Variants in LSS observed in about 807,000 individuals in gnomAD.
The protein encoded by LSS is lanosterol synthase.
A neutral mutation model predicts 110.3 loss-of-function variants in LSS; 90 were observed. The observed-to-expected ratio is 0.82, with a 90% CI of 0.69 to 0.97. The LOEUF (loss-of-function observed/expected upper bound fraction) is 0.97, where lower values mean the gene tolerates loss of function less well. Ranked by LOEUF, LSS falls within the 50% of genes least tolerant of loss-of-function variation. The pLI is 0.00. For missense variants in LSS, 927 were observed against 990.0 expected (o/e 0.94, Z 0.85); for synonymous variants, 433 against 400.0 (o/e 1.08, Z -0.98).
Position 46,216,508 on chromosome 21 carries a change from C to A in LSS, c.664G>T (p.Ala222Ser). The A allele has an allele frequency of 1.2e-6, 2 of 1,606,036 alleles. No individual in the cohort carries two copies. The highest frequency in any genetic ancestry group is 1.7e-6 in the Non-Finnish European group (2 of 1,174,496). Residue 222 changes from alanine (A) to serine (S), a missense_variant, in exon 7 of 22, where the codon GCA becomes TCA. Transcript: ENST00000397728. This position sits in a 1 kb window ranked among gnomAD's most constrained non-coding sequence, Gnocchi z 4.2. ...CAGAGTGTGGAGGGGTGTGCCGGTG[C>A]CCAGTCAGGAAACAGCCTGGGGCAA... ...FPEMWLFPDW[A>S]PAHPSTLWCH...
In LSS at chr21:46,216,275, T is replaced by G; in HGVS notation, c.783+114A>C. The G allele has an allele frequency of 2.9e-6, 4 of 1,361,092 alleles. No homozygotes were observed. The highest frequency in any genetic ancestry group is 4.1e-6 in the Non-Finnish European group (4 of 967,824). The allele number at this position is 1,361,092 out of a possible 1,614,324, so 84.3% of individuals were successfully genotyped here. On this transcript the variant is annotated intron_variant, in intron 7 of 21. Transcript: ENST00000397728. The surrounding 1 kb of genome is among the most constrained non-coding windows in gnomAD (Gnocchi z 4.2). The stretch of plus-strand genomic sequence containing the variant: ...GTGGAGGCTCTGCTCCACAGGGCTC[T>G]CCGCTCCACAGGGCCACCAGGTGAG...
rs542471287 is a variant in LSS at position 46,189,705 on chromosome 21, G to T, written c.*1399C>A. On this transcript the variant is annotated 3_prime_UTR_variant, in exon 22 of 22. Transcript: ENST00000397728. The stretch of plus-strand genomic sequence containing the variant: ...TGCCTGAGGGAGAGTGATCAGCCAG[G>T]GGGAGAGGCCAGGGACTGCTACCTG... The T allele has an allele frequency of 3.1e-5, 14 of 456,804 alleles. No individual in the cohort carries two copies. The highest frequency in any genetic ancestry group is 3.1e-4 in the Admixed American group (13 of 42,604). 28.3% of individuals were successfully genotyped at this position (456,804 alleles called of 1,614,324 possible). A position where few individuals can be genotyped will look rare whatever the true frequency, so the allele number is the denominator to read the frequency against.
chr21:46,198,025 G>A (rs974327028), intron 17 of LSS, among the ~76,000 whole-genome samples: 13 of 152,018 alleles, frequency 8.6e-5, no homozygotes, highest in Non-Finnish European at 1.9e-4. Context: ...ATTAACAAAG[G>A]ACACAAATAT....
At chr21:46,221,362 C>CTTT (rs10681676) in intron 5 of LSS, among the ~76,000 whole-genome samples, 152,168 of 152,180 alleles carry the variant, frequency 1, 76,078 homozygotes, top group Middle Eastern at 1. Flanking sequence ...GTTTGCTTGG[C>CTTT]TTTATTTTAT....
chr21:46,219,299 C>T (rs957056803), intron 6 of LSS, among the ~76,000 whole-genome samples, 177 bp downstream of exon 6: 2 of 152,204 alleles, frequency 1.3e-5, no homozygotes, highest in Admixed American at 6.5e-5. Flanking sequence ...CTCCCCCTTT[C>T]TGTACCCCTA....
At chr21:46,200,353 T>C (rs542791254) in intron 17 of LSS, among the ~76,000 whole-genome samples, 1 of 152,152 alleles carries the variant, frequency 6.6e-6, no homozygotes, top group Admixed American at 6.5e-5. Context: ...TGATGAGAAA[T>C]AGGACGTTTA....
intron 17 of LSS, among the ~76,000 whole-genome samples, chr21:46,204,437 T>C (rs2080020079): frequency 6.6e-6 from 1 of 151,686 alleles, no homozygotes; most frequent in African/African-American, 2.4e-5. Flanking sequence ...AAGAGGAGGA[T>C]GTCAGCGTTG....
In LSS at chr21:46,190,041, G is replaced by A. The variant is rs1007093354; in HGVS notation, c.*1063C>T. 2.9e-5 allele frequency: 8 copies of A among 278,684 alleles called. No homozygotes were observed. The Admixed American group carries it at 3.5e-4, about 12-fold the overall frequency. 17.3% of individuals were successfully genotyped at this position (278,684 alleles called of 1,614,324 possible). On this transcript the variant is annotated 3_prime_UTR_variant, in exon 22 of 22. Transcript: ENST00000397728. The surrounding 1 kb of genome is among the most constrained non-coding windows in gnomAD (Gnocchi z 4.6). Reference sequence around the variant, plus strand: ...AACCTGGCCCTCGCTCCAGCCCAGAGCACCCACCTGGGCATGAGACTGGCG... The same window carrying A: ...AACCTGGCCCTCGCTCCAGCCCAGAACACCCACCTGGGCATGAGACTGGCG...
chr21:46,221,867 A>G lies in LSS; in HGVS notation c.537T>C (p.Ile179=), dbSNP rs1431238538. Residue 179 remains isoleucine, a synonymous_variant, in exon 5 of 22, where the codon ATT becomes ATC. Coordinates refer to ENST00000397728, the MANE Select transcript of LSS (RefSeq NM_002340.6). ...DDPDLVRARN[I]LHKKGGAVAI... ...CACATGCCGTACCTTTCTTGTGAAGAATGTTCCGGGCTCGTACCAGGTCAG... is the reference window on the plus strand; with the variant it reads ...CACATGCCGTACCTTTCTTGTGAAGGATGTTCCGGGCTCGTACCAGGTCAG... 6 of 1,613,946 alleles carry G rather than the reference A, an allele frequency of 3.7e-6. No individual in the cohort carries two copies. The highest frequency in any genetic ancestry group is 2.7e-5 in the African/African-American group (2 of 74,878).
chr21:46,196,240 G>T lies in LSS; in HGVS notation c.1698C>A (p.Phe566Leu), dbSNP rs1468102046. ...IRETLTQGLE[F>L]CRRQQRADGS... The stretch of plus-strand genomic sequence containing the variant: ...CATCGGCCCTCTGCTGCCGCCGACA[G>T]AACTCTAAGCCCTGCGTGAGGGTCT... Residue 566 changes from phenylalanine to leucine, a missense_variant, in exon 18 of 22, where the codon TTC (phenylalanine) becomes TTA (leucine). Coordinates refer to ENST00000397728, the MANE Select transcript of LSS (RefSeq NM_002340.6). 1 of 1,614,188 alleles carries T rather than the reference G, an allele frequency of 6.2e-7. No individual in the cohort carries two copies. Among genetic ancestry groups the T allele is most frequent in the South Asian group, 1.1e-5 (1 of 91,088 alleles).
At chr21:46,220,321 G>A (rs964132637) in intron 5 of LSS, 5 of 152,306 alleles carry the variant, frequency 3.3e-5, no homozygotes, top group Non-Finnish European at 7.3e-5. Context: ...ACCAAAGGCT[G>A]ACAGTGAACT....
At chr21:46,197,515 G>A (rs561879771) in intron 17 of LSS, among the ~76,000 whole-genome samples, 2 of 152,296 alleles carry the variant, frequency 1.3e-5, no homozygotes, top group South Asian at 4.1e-4. Flanking sequence ...GCTCATTCTA[G>A]GAACCCAGAG....
At chr21:46,213,941 G>A (rs1000139810) in intron 9 of LSS, 106 bp from the exon 10 acceptor site, 52 of 780,534 alleles carry the variant, frequency 6.7e-5, no homozygotes, top group Non-Finnish European at 9.9e-5. Context: ...AAAGTGCCGT[G>A]CAGATCACTC....
In LSS at chr21:46,189,450, T is replaced by C. The variant is rs2079773416; in HGVS notation, c.*1654A>G. The C allele has an allele frequency of 2.9e-6, 1 of 342,338 alleles. No homozygotes were observed. The highest frequency in any genetic ancestry group is 4.0e-5 in the Admixed American group (1 of 24,802). 21.2% of individuals were successfully genotyped at this position (342,338 alleles called of 1,614,324 possible). ...CCCAGTTTTAAGATGTGCAGGGAAG[T>C]GTTGACACTGAACAGGCAGCTGACC... On this transcript the variant is annotated 3_prime_UTR_variant, in exon 22 of 22. Coordinates refer to ENST00000397728, the MANE Select transcript of LSS (RefSeq NM_002340.6).
At chr21:46,194,946 G>A (rs2079888547) in intron 19 of LSS, among the ~76,000 whole-genome samples, 1 of 152,232 alleles carries the variant, frequency 6.6e-6, no homozygotes, top group Non-Finnish European at 1.5e-5. Context: ...CAGTGCTTGG[G>A]AGCAGCGTCT....
rs779124364 is a variant in LSS at position 46,210,681 on chromosome 21, C to T, written c.1194+7G>A. 6.8e-6 allele frequency: 11 copies of T among 1,613,764 alleles called. No homozygotes were observed. The South Asian group carries it at 1.2e-4, about 18-fold the overall frequency. On this transcript the variant is annotated splice_region_variant and intron_variant, in intron 12 of 21. Transcript: ENST00000397728. ...CTGAGGCTGAGAAAAGAGAAGGAGC[C>T]ACGAACCTCAAGCAGAGCCTGGATG... is the stretch of plus-strand genomic sequence containing the variant.
intron 14 of LSS, among the ~76,000 whole-genome samples, 185 bp downstream of exon 14, chr21:46,208,066 T>C (rs983526801): frequency 1.3e-5 from 2 of 152,236 alleles, no homozygotes; most frequent in African/African-American, 4.8e-5. Flanking sequence ...TGCCTCCATG[T>C]GCCAGGCAGC....
chr21:46,203,733 C>A (rs917126139), intron 17 of LSS, among the ~76,000 whole-genome samples: 1 of 152,196 alleles, frequency 6.6e-6, no homozygotes, highest in Admixed American at 6.5e-5. Context: ...ACAAGAAAAC[C>A]CCTGCTCCAT....
intron 17 of LSS, 73 bp downstream of exon 17, chr21:46,205,763 C>A: frequency 8.2e-7 from 1 of 1,214,250 alleles, no homozygotes. Flanking sequence ...AGGGCCGTGT[C>A]ACAGAATGAT....
Sources: allele counts gnomAD v4.1 joint callset (sites outside exome capture counted in the v4.1 genomes callset), GRCh38; gene constraint gnomAD v4.1.1; non-coding constraint Gnocchi (gnomAD v3.1); transcripts MANE v1.5; gene names NCBI Gene and HGNC (gene_info 2026-07-23, HGNC 2026-07-21).